The following DOCK4 variants were observed in gnomAD, a reference collection of about 807,000 sequenced individuals.
DOCK4 encodes the protein dedicator of cytokinesis 4.
A neutral mutation model predicts 268.1 loss-of-function variants in DOCK4; 97 were observed. That is an observed-to-expected ratio of 0.36 (90% CI 0.31 to 0.43). The LOEUF (loss-of-function observed/expected upper bound fraction) is 0.43, where lower values mean the gene tolerates loss of function less well. Ranked by LOEUF, DOCK4 falls within the 20% of genes least tolerant of loss-of-function variation. The probability of loss-of-function intolerance (pLI) is 1.00; values close to 1 mark genes in which losing one functional copy is unlikely to be tolerated. For synonymous variants in DOCK4, 954 were observed against 887.2 expected (o/e 1.08, Z -1.34); for missense variants, 2,145 against 2,455.7 (o/e 0.87, Z 2.67).
chr7:112,187,286 G>C lies in DOCK4; in HGVS notation c.37+18816C>G, dbSNP rs1393663845. On this transcript the variant is annotated intron_variant, in intron 1 of 52. Transcript: ENST00000428084. The stretch of plus-strand genomic sequence containing the variant: ...TTTCTCTTCTGAGTTAATCTAGGAG[G>C]GAAAAAAAATAAAACTTCAGAGTCC... Among the ~76,000 whole-genome samples the C allele has an allele frequency of 4.0e-5, 6 of 151,850 alleles. No individual in the cohort carries two copies. The East Asian group carries it at 9.6e-4, about 24-fold the overall frequency.
At chr7:112,106,168 C>T (rs984594151) in intron 1 of DOCK4, among the ~76,000 whole-genome samples, 16 of 152,126 alleles carry the variant, frequency 1.1e-4, no homozygotes, top group Non-Finnish European at 1.8e-4. Flanking sequence ...CCTGCAGATA[C>T]GAATAAATAC....
chr7:112,086,481 C>A (rs1338854117), intron 1 of DOCK4, among the ~76,000 whole-genome samples: 1 of 152,050 alleles, frequency 6.6e-6, no homozygotes, highest in African/African-American at 2.4e-5. Flanking sequence ...CACCAAAATT[C>A]ATTAACTCAA....
At chr7:111,858,270 G>A (rs1240158401) in intron 23 of DOCK4, among the ~76,000 whole-genome samples, 1 of 152,104 alleles carries the variant, frequency 6.6e-6, no homozygotes, top group Non-Finnish European at 1.5e-5. Flanking sequence ...TGACTATTCT[G>A]CAGCCATGCT....
In DOCK4 at chr7:111,728,543, C is replaced by G. The variant is rs970941548; in HGVS notation, c.5659G>C (p.Val1887Leu). 1 of 1,613,618 alleles carries G rather than the reference C, an allele frequency of 6.2e-7. No homozygotes were observed. The highest frequency in any genetic ancestry group is 1.3e-5 in the African/African-American group (1 of 74,942). Reference sequence around the variant, plus strand: ...CTCGGCACGGGCACCGGCACTGGCACCGGCAGGGGGGCCGACTGTTCATTC... The same window carrying G: ...CTCGGCACGGGCACCGGCACTGGCAGCGGCAGGGGGGCCGACTGTTCATTC... ...QVNEQSAPLPVPVPVPVPSYG... is the reference protein window; with the variant it reads ...QVNEQSAPLPLPVPVPVPSYG... Residue 1887 changes from valine to leucine, a missense_variant, in exon 53 of 53, where the codon GTG (valine) becomes CTG (leucine). Val to Leu is a conservative substitution (Grantham distance 32). This residue lies in a region of DOCK4 where 547 missense variants were observed against 469.0 expected (regional missense o/e 1.17). Transcript: ENST00000428084.
At chr7:112,137,400 TGCAAA>T (rs1178597967) in intron 1 of DOCK4, among the ~76,000 whole-genome samples, 35 of 152,208 alleles carry the variant, frequency 2.3e-4, no homozygotes, top group Admixed American at 2.3e-3. Flanking sequence ...CTTGAGAGGT[TGCAAA>T]GCATTTCTTT....
chr7:111,983,842 A>ACATG (rs1562960900), intron 7 of DOCK4, among the ~76,000 whole-genome samples: 1 of 93,296 alleles, frequency 1.1e-5, no homozygotes, highest in African/African-American at 4.5e-5. Context: ...ATGTACACAC[A>ACATG]CACGCGCGCG....
In DOCK4 at chr7:111,731,451, T is replaced by C. The variant is rs182984285; in HGVS notation, c.5481+775A>G. ...GTCACTCAGGTACAAAATCATTCTT[T>C]CGACACACTTCATATTTGCCTCTGG... is the stretch of plus-strand genomic sequence containing the variant. On this transcript the variant is annotated intron_variant, in intron 52 of 52. Transcript: ENST00000428084. Among the ~76,000 whole-genome samples the C allele has an allele frequency of 3.8e-4, 58 of 152,282 alleles. No individual in the cohort carries two copies. The East Asian group carries it at 0.01, about 27-fold the overall frequency.
At chr7:112,139,630 C>T (rs1188927168) in intron 1 of DOCK4, among the ~76,000 whole-genome samples, 1 of 151,924 alleles carries the variant, frequency 6.6e-6, no homozygotes, top group Non-Finnish European at 1.5e-5. Context: ...TGTAGCCAAG[C>T]GTGACAAAAT....
chr7:112,188,454 C>T (rs1037843264), intron 1 of DOCK4, among the ~76,000 whole-genome samples: 4 of 152,206 alleles, frequency 2.6e-5, no homozygotes, highest in African/African-American at 9.6e-5. Context: ...GAATCCTGGC[C>T]TCTTTCATAA....
chr7:112,035,230 C>T (rs369036766), intron 1 of DOCK4, among the ~76,000 whole-genome samples: 7 of 152,206 alleles, frequency 4.6e-5, no homozygotes, highest in East Asian at 1.9e-4. Context: ...CTCACTTCTG[C>T]GTGGTCAGAG....
chr7:111,922,478 A>G (rs1793222913), intron 12 of DOCK4, among the ~76,000 whole-genome samples: 1 of 152,294 alleles, frequency 6.6e-6, no homozygotes. Context: ...TGATGATGAT[A>G]TATTTTTAAA....
chr7:111,933,284 A>G (rs1794404968), intron 12 of DOCK4, among the ~76,000 whole-genome samples: 1 of 120,088 alleles, frequency 8.3e-6, no homozygotes, highest in South Asian at 2.5e-4. Context: ...ATATACATAT[A>G]TATATATATA....
chr7:111,958,678 T>C (rs953243282), intron 8 of DOCK4, among the ~76,000 whole-genome samples: 34 of 152,204 alleles, frequency 2.2e-4, no homozygotes, highest in African/African-American at 8.2e-4. Context: ...TATGAGTTTT[T>C]GGTTTTCTGC....
intron 32 of DOCK4, among the ~76,000 whole-genome samples, chr7:111,787,723 T>C (rs763220461): frequency 2.6e-5 from 4 of 152,230 alleles, no homozygotes; most frequent in African/African-American, 9.6e-5. Flanking sequence ...AGCACTGATA[T>C]TTAGTTTTAG....
chr7:111,736,276 G>C (rs1050599797), intron 50 of DOCK4, among the ~76,000 whole-genome samples: 1 of 152,142 alleles, frequency 6.6e-6, no homozygotes, highest in East Asian at 1.9e-4. Context: ...GACCCTGAGA[G>C]AGGTGAATGG....
At chr7:112,141,874 G>A (rs1351536625) in intron 1 of DOCK4, among the ~76,000 whole-genome samples, 1 of 152,160 alleles carries the variant, frequency 6.6e-6, no homozygotes, top group Non-Finnish European at 1.5e-5. Flanking sequence ...CAGCAGAGTT[G>A]CCAGATTGCA....
intron 28 of DOCK4, among the ~76,000 whole-genome samples, chr7:111,809,958 T>C (rs1409469982): frequency 6.7e-6 from 1 of 149,212 alleles, no homozygotes; most frequent in Admixed American, 6.7e-5. Flanking sequence ...CAGAAAGAGA[T>C]CTGAATAAAG....
At chr7:112,132,974 A>G (rs1400117125) in intron 1 of DOCK4, among the ~76,000 whole-genome samples, 6 of 152,340 alleles carry the variant, frequency 3.9e-5, no homozygotes. Context: ...GGATGAATCC[A>G]GAGACTGGTA....
At chr7:112,084,812 C>T (rs1267463501) in intron 1 of DOCK4, among the ~76,000 whole-genome samples, 1 of 152,114 alleles carries the variant, frequency 6.6e-6, no homozygotes, top group Non-Finnish European at 1.5e-5. Flanking sequence ...CATTACAAGG[C>T]ACTTCCCGTG....
Sources: allele counts gnomAD v4.1 joint callset (sites outside exome capture counted in the v4.1 genomes callset), GRCh38; gene constraint gnomAD v4.1.1; regional missense constraint gnomAD v4.1.1; transcripts MANE v1.5; gene names NCBI Gene and HGNC (gene_info 2026-07-23, HGNC 2026-07-21).